The following PDE4D variants were observed in gnomAD, a reference collection of about 807,000 sequenced individuals.
PDE4D encodes 3',5'-cyclic-AMP phosphodiesterase 4D.
PDE4D carries 24 observed loss-of-function variants against 87.4 expected under a neutral mutation model. The observed-to-expected ratio is 0.27, with a 90% CI of 0.20 to 0.39. The LOEUF is 0.39. Ranked by LOEUF, PDE4D falls within the 10% of genes least tolerant of loss-of-function variation. The pLI, the probability that PDE4D is intolerant of heterozygous loss-of-function variation, is 1.00. For missense variants in PDE4D, 714 were observed against 1,041.0 expected, an observed-to-expected ratio of 0.69 and a Z score of 4.32; for synonymous variants, 384 against 383.2, an observed-to-expected ratio of 1.00 and a Z score of -0.02.
Position 60,395,375 on chromosome 5 carries a change from T to C in PDE4D, c.-90+92567A>G, listed in dbSNP as rs144744358. On this transcript the variant is annotated intron_variant, in intron 1 of 16. Transcript: ENST00000502484. ...CCATTCAACAACAATGGTTCATAAT[T>C]ATATCTATTTATTTTGACAGTCCAT... 1.8e-3 allele frequency among the ~76,000 whole-genome samples: 270 copies of C among 152,290 alleles called. 1 individual carries two copies. The highest frequency in any genetic ancestry group is 6.3e-3 in the African/African-American group (263 of 41,558).
chr5:59,379,924 C>G (rs909152981), intron 1 of PDE4D, among the ~76,000 whole-genome samples: 4 of 152,030 alleles, frequency 2.6e-5, no homozygotes, highest in Non-Finnish European at 4.4e-5. Flanking sequence ...CAGTGCTGAT[C>G]CCATCACCCA....
chr5:59,454,244 G>C lies in PDE4D; in HGVS notation c.456-238276C>G, dbSNP rs567267165. Among the ~76,000 whole-genome samples, 13 of 152,252 alleles carry C rather than the reference G, an allele frequency of 8.5e-5. No homozygotes were observed. The South Asian group carries it at 1.5e-3, about 17-fold the overall frequency. ...TCTGATGGATACATGATATGGTTTG[G>C]CTGTGTCGCCACCCAAATCTCATCT... is the stretch of plus-strand genomic sequence containing the variant. On this transcript the variant is annotated intron_variant, in intron 1 of 14. Transcript: ENST00000340635.
chr5:59,320,372 G>A (rs566535621), intron 1 of PDE4D, among the ~76,000 whole-genome samples: 28 of 151,976 alleles, frequency 1.8e-4, no homozygotes, highest in Non-Finnish European at 3.4e-4. Context: ...TCTTCGGTCC[G>A]TTAAGATATA....
At chr5:60,482,194 C>T (rs1748781366) in intron 1 of PDE4D, among the ~76,000 whole-genome samples, 1 of 152,098 alleles carries the variant, frequency 6.6e-6, no homozygotes, top group Admixed American at 6.6e-5. Flanking sequence ...AGAGCTAGCT[C>T]ACCCTCTTTC....
chr5:59,241,120 G>A (rs1433341991), intron 1 of PDE4D, among the ~76,000 whole-genome samples: 1 of 152,100 alleles, frequency 6.6e-6, no homozygotes, highest in Admixed American at 6.6e-5. Flanking sequence ...TTATTTGTGG[G>A]CAGCAGATTA....
chr5:59,202,032 C>CTTTTT (rs1491303567), intron 2 of PDE4D, among the ~76,000 whole-genome samples: 6 of 31,464 alleles, frequency 1.9e-4, no homozygotes, highest in Admixed American at 4.1e-4. Flanking sequence ...GTGTTTTGAT[C>CTTTTT]ATTTTTTTTT....
intron 1 of PDE4D, among the ~76,000 whole-genome samples, chr5:60,463,295 T>C (rs1214766501): frequency 6.6e-6 from 1 of 152,078 alleles, no homozygotes; most frequent in Non-Finnish European, 1.5e-5. Flanking sequence ...AGTTAATGTG[T>C]CTCCCGTGCT....
At chr5:59,208,665 T>C (rs1749387190) in intron 2 of PDE4D, among the ~76,000 whole-genome samples, 1 of 152,248 alleles carries the variant, frequency 6.6e-6, no homozygotes, top group Non-Finnish European at 1.5e-5. Context: ...AAAATGCCTA[T>C]TCAGCTAATA....
chr5:60,410,719 C>T (rs1035037640), intron 1 of PDE4D, among the ~76,000 whole-genome samples: 22 of 152,330 alleles, frequency 1.4e-4, no homozygotes, highest in African/African-American at 5.3e-4. Flanking sequence ...GGTTAAGCAA[C>T]TTTCCAAAGC....
At chr5:59,128,478 C>A in intron 5 of PDE4D, among the ~76,000 whole-genome samples, 1 of 152,126 alleles carries the variant, frequency 6.6e-6, no homozygotes, top group Non-Finnish European at 1.5e-5. Context: ...TCCTACCTAG[C>A]AGTTTGGGGG....
chr5:59,127,851 C>T (rs1028439839), intron 5 of PDE4D, among the ~76,000 whole-genome samples: 1 of 152,002 alleles, frequency 6.6e-6, no homozygotes, highest in East Asian at 1.9e-4. Flanking sequence ...GCAAAGGACT[C>T]CCCGTTCCTA....
At chr5:59,211,993 C>T (rs1257219736) in intron 2 of PDE4D, among the ~76,000 whole-genome samples, 7 of 152,020 alleles carry the variant, frequency 4.6e-5, no homozygotes, top group Non-Finnish European at 8.8e-5. Flanking sequence ...CATTAGGTAC[C>T]TATCCTCATT....
chr5:58,984,483 T>G (rs927454586), intron 11 of PDE4D, among the ~76,000 whole-genome samples: 2 of 152,244 alleles, frequency 1.3e-5, no homozygotes, highest in African/African-American at 4.8e-5. Flanking sequence ...TGTAGCTATA[T>G]CTATATAATC....
chr5:60,508,126 T>C (rs902154520), intron 1 of PDE4D, among the ~76,000 whole-genome samples: 2 of 152,222 alleles, frequency 1.3e-5, no homozygotes, highest in Admixed American at 1.3e-4. Context: ...AGCTCTAAGA[T>C]AATGTCAACC....
chr5:60,377,915 G>C (rs1290889398), intron 1 of PDE4D, among the ~76,000 whole-genome samples: 4 of 152,164 alleles, frequency 2.6e-5, no homozygotes, highest in Non-Finnish European at 2.9e-5. Context: ...AAATACATAG[G>C]TCTTTTCTAC....
chr5:60,189,704 A>C (rs1472524267), intron 1 of PDE4D, among the ~76,000 whole-genome samples: 1 of 152,224 alleles, frequency 6.6e-6, no homozygotes, highest in Non-Finnish European at 1.5e-5. Context: ...TTGAACTAAT[A>C]CTTTTTTCTT....
intron 1 of PDE4D, among the ~76,000 whole-genome samples, chr5:60,474,150 A>ATATATATATATATAT (rs1274940940): frequency 1.3e-4 from 13 of 96,394 alleles, no homozygotes; most frequent in Admixed American, 1.9e-4. Flanking sequence ...ATATATATAT[A>ATATATATATATATAT]ACAAAAACCT....
intron 1 of PDE4D, among the ~76,000 whole-genome samples, chr5:59,502,496 G>A (rs1446818929): frequency 6.6e-6 from 1 of 152,020 alleles, no homozygotes; most frequent in African/African-American, 2.4e-5. Context: ...AACTTGGGGT[G>A]AATACTGAAA....
intron 2 of PDE4D, among the ~76,000 whole-genome samples, chr5:60,038,476 T>G (rs911288484): frequency 5.9e-5 from 9 of 152,090 alleles, no homozygotes; most frequent in African/African-American, 2.2e-4. Flanking sequence ...TCTGTTCCAC[T>G]GATCTATATC....
Sources: allele counts gnomAD v4.1 joint callset (sites outside exome capture counted in the v4.1 genomes callset), GRCh38; gene constraint gnomAD v4.1.1; transcripts MANE v1.5; gene names NCBI Gene and HGNC (gene_info 2026-07-23, HGNC 2026-07-21).